The following GULP1 variants were observed in gnomAD, a reference collection of about 807,000 sequenced individuals.
The protein encoded by GULP1 is PTB domain-containing engulfment adapter protein 1.
GULP1 carries 19 observed loss-of-function variants against 40.9 expected under a neutral mutation model. That is an observed-to-expected ratio of 0.46 (90% CI 0.32 to 0.68). GULP1 has a LOEUF of 0.68. GULP1 is among the 30% of genes least tolerant of loss of function. The pLI is 0.03. For synonymous variants in GULP1, 119 were observed against 117.6 expected, an observed-to-expected ratio of 1.01 and a Z score of -0.08; for missense variants, 312 against 362.2, an observed-to-expected ratio of 0.86 and a Z score of 1.12.
intron 2 of GULP1, among the ~76,000 whole-genome samples, chr2:188,455,722 A>G (rs1426008405): frequency 1.3e-5 from 2 of 152,214 alleles, no homozygotes; most frequent in Non-Finnish European, 2.9e-5. Flanking sequence ...AGATAACTGA[A>G]AATGTGGAAG....
chr2:188,495,868 C>G (rs1162130338), intron 4 of GULP1, among the ~76,000 whole-genome samples: 4 of 151,942 alleles, frequency 2.6e-5, no homozygotes, highest in African/African-American at 9.7e-5. Context: ...TCCGTGATTT[C>G]AAACAACTAT....
chr2:188,347,348 G>C (rs944274425), intron 1 of GULP1, among the ~76,000 whole-genome samples: 7 of 151,596 alleles, frequency 4.6e-5, no homozygotes, highest in Non-Finnish European at 1.0e-4. Context: ...GCTCCTAATC[G>C]TAATGCTTTG....
chr2:188,467,687 A>G (rs1357811958), intron 2 of GULP1, among the ~76,000 whole-genome samples: 1 of 152,134 alleles, frequency 6.6e-6, no homozygotes, highest in Non-Finnish European at 1.5e-5. Flanking sequence ...ACTTATCGAT[A>G]ACTCATTTTT....
chr2:188,400,448 T>C (rs2052064078), intron 2 of GULP1, among the ~76,000 whole-genome samples: 1 of 152,142 alleles, frequency 6.6e-6, no homozygotes, highest in African/African-American at 2.4e-5. Flanking sequence ...ATTGTTCTGT[T>C]GGTGTTCCTA....
At chr2:188,389,591 T>TA (rs1382368524) in intron 2 of GULP1, among the ~76,000 whole-genome samples, 4 of 152,142 alleles carry the variant, frequency 2.6e-5, no homozygotes, top group Non-Finnish European at 4.4e-5. Context: ...ATTAAATTGT[T>TA]AAAAAATAAA....
intron 1 of GULP1, chr2:188,297,463 A>G (rs2035212215): frequency 2.1e-6 from 1 of 471,064 alleles, no homozygotes; most frequent in Non-Finnish European, 4.4e-6. Context: ...TCTTAATATT[A>G]GGTGTTACAG....
chr2:188,336,166 T>G (rs888767795), intron 1 of GULP1, among the ~76,000 whole-genome samples: 2 of 152,176 alleles, frequency 1.3e-5, no homozygotes, highest in Non-Finnish European at 1.5e-5. Context: ...AACGCATGTT[T>G]TTTCCCTAGT....
At chr2:188,341,713 G>C (rs1366313644) in intron 1 of GULP1, among the ~76,000 whole-genome samples, 4 of 152,056 alleles carry the variant, frequency 2.6e-5, no homozygotes, top group Admixed American at 2.0e-4. Context: ...GAAATGTACA[G>C]TTTTTAATAT....
At chr2:188,446,772 T>C (rs1218660867) in intron 2 of GULP1, among the ~76,000 whole-genome samples, 2 of 152,214 alleles carry the variant, frequency 1.3e-5, no homozygotes, top group Non-Finnish European at 2.9e-5. Context: ...GGATGAAGTA[T>C]GCTTTGACTT....
intron 2 of GULP1, among the ~76,000 whole-genome samples, chr2:188,406,536 CAT>C (rs1483859756): frequency 2.0e-5 from 3 of 151,714 alleles, no homozygotes; most frequent in East Asian, 1.9e-4. Context: ...TTTTAAAAAA[CAT>C]AGAAATTATG....
chr2:188,320,463 T>C (rs1025133173), intron 1 of GULP1, among the ~76,000 whole-genome samples: 3 of 152,194 alleles, frequency 2.0e-5, no homozygotes, highest in African/African-American at 7.2e-5. Flanking sequence ...AGAAATGTTT[T>C]CACATATCTC....
chr2:188,355,540 T>C (rs1218905432), intron 1 of GULP1, among the ~76,000 whole-genome samples: 1 of 151,858 alleles, frequency 6.6e-6, no homozygotes, highest in African/African-American at 2.4e-5. Context: ...ATAAAAAGTC[T>C]CCCACCAAAG....
chr2:188,580,622 AGT>A (rs775617039), intron 9 of GULP1, among the ~76,000 whole-genome samples: 3 of 152,186 alleles, frequency 2.0e-5, no homozygotes, highest in Admixed American at 1.3e-4. Context: ...ATATTAATAG[AGT>A]GATTAATTAT....
At chr2:188,527,886 A>G (rs1686587439) in intron 5 of GULP1, among the ~76,000 whole-genome samples, 1 of 152,194 alleles carries the variant, frequency 6.6e-6, no homozygotes, top group South Asian at 2.1e-4. Flanking sequence ...AATTACAGTG[A>G]AATACACAGT....
chr2:188,433,459 A>T (rs2057104582), intron 2 of GULP1, among the ~76,000 whole-genome samples: 1 of 152,130 alleles, frequency 6.6e-6, no homozygotes, highest in African/African-American at 2.4e-5. Context: ...AAGATCCTTT[A>T]GAATGAACAT....
At chr2:188,514,454 AAAAT>A (rs895663477) in intron 4 of GULP1, among the ~76,000 whole-genome samples, 1 of 152,152 alleles carries the variant, frequency 6.6e-6, no homozygotes, top group South Asian at 2.1e-4. Flanking sequence ...TTGTACAGAA[AAAAT>A]AAATAAATAA....
chr2:188,358,268 T>C (rs1488715189), intron 1 of GULP1, among the ~76,000 whole-genome samples: 2 of 152,198 alleles, frequency 1.3e-5, no homozygotes, highest in Admixed American at 1.3e-4. Context: ...TTTTCACTTA[T>C]ACTCGGAAGC....
At chr2:188,407,911 T>C (rs778654854) in intron 2 of GULP1, among the ~76,000 whole-genome samples, 1 of 152,136 alleles carries the variant, frequency 6.6e-6, no homozygotes, top group Non-Finnish European at 1.5e-5. Context: ...TTATTTAATT[T>C]TTAAGTACAC....
rs546607902 is a variant in GULP1 at position 188,541,427 on chromosome 2, A to T, written c.399+109A>T. 1.4e-5 allele frequency: 13 copies of T among 943,060 alleles called. No homozygotes were observed. In the East Asian group the frequency reaches 2.9e-4, roughly 21 times the overall value. 58.4% of individuals were successfully genotyped at this position (943,060 alleles called of 1,614,324 possible). A position where few individuals can be genotyped will look rare whatever the true frequency, so the allele number is the denominator to read the frequency against. ...GAAAATGAATAATTTTCTGTAAATT[A>T]TTCTGTAAAAAGTCTGTAAATACTT... On this transcript the variant is annotated intron_variant, in intron 7 of 11. Coordinates refer to ENST00000409830, the MANE Select transcript of GULP1 (RefSeq NM_016315.4).
Sources: gnomAD v4.1 joint callset for allele counts (sites outside exome capture counted in the v4.1 genomes callset) on GRCh38, gnomAD v4.1.1 for gene constraint, MANE v1.5 for transcripts, NCBI Gene and HGNC (gene_info 2026-07-23, HGNC 2026-07-21) for gene names.